AP3B1: variants seen among roughly 807,000 people sequenced by gnomAD.
The protein encoded by AP3B1 is adaptor related protein complex 3 subunit beta 1.
A neutral mutation model predicts 132.5 loss-of-function variants in AP3B1; 61 were observed. The observed-to-expected ratio is 0.46, with a 90% CI of 0.37 to 0.57. AP3B1 has a LOEUF of 0.57. AP3B1 is among the 20% of genes least tolerant of loss of function. The probability of loss-of-function intolerance (pLI) is 0.00; values close to 1 mark genes in which losing one functional copy is unlikely to be tolerated. For missense variants in AP3B1, 1,120 were observed against 1,289.4 expected, an observed-to-expected ratio of 0.87 and a Z score of 2.01; for synonymous variants, 388 against 438.3, an observed-to-expected ratio of 0.89 and a Z score of 1.43.
At chr5:78,261,910 C>A (rs56330337) in intron 2 of AP3B1, among the ~76,000 whole-genome samples, 1 of 151,976 alleles carries the variant, frequency 6.6e-6, no homozygotes, top group African/African-American at 2.4e-5. Context: ...CACCACCACA[C>A]CTGGCTAATT....
intron 26 of AP3B1, among the ~76,000 whole-genome samples, chr5:78,011,194 C>G (rs1746610979): frequency 6.6e-6 from 1 of 152,036 alleles, no homozygotes; most frequent in African/African-American, 2.4e-5. Flanking sequence ...AGGCGCCTGC[C>G]ACCAAGCCTG....
chr5:78,051,806 G>A (rs141614303), intron 22 of AP3B1, among the ~76,000 whole-genome samples: 21 of 152,010 alleles, frequency 1.4e-4, no homozygotes, highest in Non-Finnish European at 8.8e-5. Flanking sequence ...TAAAAATGAC[G>A]AGGTAAGAAA....
chr5:78,115,937 A>G lies in AP3B1; in HGVS notation c.2077+189T>C, dbSNP rs1434960329. 5.0e-5 allele frequency: 32 copies of G among 635,148 alleles called. No individual in the cohort carries two copies. The East Asian group carries it at 9.3e-4, about 19-fold the overall frequency. The allele number at this position is 635,148 out of a possible 1,614,324, so 39.3% of individuals were successfully genotyped here. A position where few individuals can be genotyped will look rare whatever the true frequency, so the allele number is the denominator to read the frequency against. On this transcript the variant is annotated intron_variant, in intron 18 of 26. Transcript: ENST00000255194. ...ACTATCCAAGAGATATTGTAAAGTA[A>G]AAAGAGAATTTAGTAATTAAAAATT...
chr5:78,236,359 A>C (rs1156548347), intron 3 of AP3B1, among the ~76,000 whole-genome samples: 2 of 152,224 alleles, frequency 1.3e-5, no homozygotes, highest in African/African-American at 4.8e-5. Flanking sequence ...CATAAAAGAA[A>C]AAAAATATGC....
chr5:78,066,424 C>T (rs774610102), intron 22 of AP3B1, among the ~76,000 whole-genome samples: 9 of 152,142 alleles, frequency 5.9e-5, no homozygotes, highest in South Asian at 2.1e-4. Flanking sequence ...CGTGATAAAA[C>T]ACTACAGGAG....
intron 15 of AP3B1, 26 bp downstream of exon 15, chr5:78,141,117 T>C (rs374012756): frequency 1.9e-6 from 3 of 1,605,794 alleles, no homozygotes; most frequent in Non-Finnish European, 2.6e-6. Flanking sequence ...ACGTATTAGA[T>C]AGGTTGACTA....
chr5:78,167,106 G>A (rs1306566628), intron 11 of AP3B1, among the ~76,000 whole-genome samples: 2 of 151,996 alleles, frequency 1.3e-5, no homozygotes, highest in Non-Finnish European at 2.9e-5. Context: ...ATCTGACAAA[G>A]GACTAATATC....
intron 22 of AP3B1, among the ~76,000 whole-genome samples, chr5:78,051,545 C>A (rs1748585615): frequency 6.6e-6 from 1 of 152,030 alleles, no homozygotes; most frequent in Non-Finnish European, 1.5e-5. Context: ...CAAGTAAGTG[C>A]CTTGGAATAA....
At chr5:78,017,662 T>G (rs1327758465) in intron 25 of AP3B1, among the ~76,000 whole-genome samples, 1 of 152,094 alleles carries the variant, frequency 6.6e-6, no homozygotes, top group Non-Finnish European at 1.5e-5. Context: ...CAGAGATTTT[T>G]CTAAATGAAA....
At chr5:78,195,541 C>T (rs867232645) in intron 7 of AP3B1, among the ~76,000 whole-genome samples, 57 of 152,308 alleles carry the variant, frequency 3.7e-4, no homozygotes, top group Middle Eastern at 3.4e-3. Flanking sequence ...AGTCACAGGC[C>T]AGGCGCAGCG....
rs1421166778 is a variant in AP3B1 at position 78,227,357 on chromosome 5, T to G, written c.536+15A>C. ...ACATCAGAGATCTTTGGTATATTGT[T>G]AACAATGCACCTACCTGTATAATTT... On this transcript the variant is annotated intron_variant, in intron 5 of 26. Coordinates refer to ENST00000255194, the MANE Select transcript of AP3B1 (RefSeq NM_003664.5). The G allele has an allele frequency of 1.2e-6, 2 of 1,611,742 alleles. No homozygotes were observed. Among genetic ancestry groups the G allele is most frequent in the African/African-American group, 2.7e-5 (2 of 74,844 alleles).
At chr5:78,024,025 G>A (rs1486345215) in intron 24 of AP3B1, among the ~76,000 whole-genome samples, 1 of 152,174 alleles carries the variant, frequency 6.6e-6, no homozygotes, top group African/African-American at 2.4e-5. Flanking sequence ...AAGAGCACAA[G>A]AATGAGGTGA....
At chr5:78,157,168 G>C (rs1271064894) in intron 13 of AP3B1, among the ~76,000 whole-genome samples, 1 of 152,068 alleles carries the variant, frequency 6.6e-6, no homozygotes, top group African/African-American at 2.4e-5. Flanking sequence ...CCCTACTGAA[G>C]GTACTGCAAG....
At chr5:78,257,775 A>G (rs962473653) in intron 2 of AP3B1, among the ~76,000 whole-genome samples, 1 of 152,196 alleles carries the variant, frequency 6.6e-6, no homozygotes, top group African/African-American at 2.4e-5. Context: ...AAATTATACT[A>G]CAAAGCTATA....
chr5:78,200,247 A>G (rs1266936530), intron 7 of AP3B1, among the ~76,000 whole-genome samples: 2 of 152,006 alleles, frequency 1.3e-5, no homozygotes, highest in Non-Finnish European at 2.9e-5. Context: ...GAGGGGGGAC[A>G]AGGGGAATGG....
intron 2 of AP3B1, among the ~76,000 whole-genome samples, chr5:78,258,881 G>C (rs1487947784): frequency 6.6e-6 from 1 of 152,164 alleles, no homozygotes; most frequent in East Asian, 1.9e-4. Context: ...ATGGGATCCA[G>C]TCATTTGCAA....
At chr5:78,027,781 ATTAGT>A (rs1056989818) in intron 24 of AP3B1, among the ~76,000 whole-genome samples, 18 of 151,908 alleles carry the variant, frequency 1.2e-4, no homozygotes, top group African/African-American at 4.4e-4. Flanking sequence ...TTCTAAACTC[ATTAGT>A]TTAAATAATA....
chr5:78,104,369 G>A (rs139223855), intron 20 of AP3B1, among the ~76,000 whole-genome samples: 1 of 152,090 alleles, frequency 6.6e-6, no homozygotes, highest in East Asian at 1.9e-4. Context: ...ATTAGAGTAC[G>A]CCTACTTCAA....
At position 78,156,280 on chromosome 5, in the gene AP3B1, G is replaced by C. The variant is rs1183081227; in HGVS notation, c.1451C>G (p.Ala484Gly). 1 of 1,612,364 alleles carries C rather than the reference G, an allele frequency of 6.2e-7. No homozygotes were observed. The highest frequency in any genetic ancestry group is 8.5e-7 in the Non-Finnish European group (1 of 1,178,796). The change falls in exon 14 of 27, where the codon GCC (alanine) becomes GGC (glycine). Residue 484 changes from alanine to glycine, a missense_variant. Coordinates refer to ENST00000255194, the MANE Select transcript of AP3B1 (RefSeq NM_003664.5). ...CACAGTGATACTGTCCAGGAGTTTG[G>C]CCATATGTTTAATAATTTCACCATG... ...AQHGEIIKHM[A>G]KLLDSITVPV...
Sources: gnomAD v4.1 joint callset for allele counts (sites outside exome capture counted in the v4.1 genomes callset) on GRCh38, gnomAD v4.1.1 for gene constraint, MANE v1.5 for transcripts, NCBI Gene and HGNC (gene_info 2026-07-23, HGNC 2026-07-21) for gene names.